The following DTNB variants were observed in gnomAD, a reference collection of about 807,000 sequenced individuals.
DTNB encodes the protein dystrobrevin beta, also known as DTN-B.
DTNB carries 63 observed loss-of-function variants against 90.7 expected under a neutral mutation model. That is an observed-to-expected ratio of 0.69 (90% confidence interval 0.57 to 0.86). The LOEUF (loss-of-function observed/expected upper bound fraction) is 0.86, where lower values mean the gene tolerates loss of function less well. Ranked by LOEUF, DTNB falls within the 40% of genes least tolerant of loss-of-function variation. The probability of loss-of-function intolerance (pLI) is 0.00; values close to 1 mark genes in which losing one functional copy is unlikely to be tolerated. For synonymous variants in DTNB, 277 were observed against 286.7 expected, an observed-to-expected ratio of 0.97 and a Z score of 0.34; for missense variants, 744 against 807.1, an observed-to-expected ratio of 0.92 and a Z score of 0.95.
chr2:25,498,711 G>A (rs746276445), intron 9 of DTNB, among the ~76,000 whole-genome samples: 3 of 151,470 alleles, frequency 2.0e-5, no homozygotes, highest in Admixed American at 6.6e-5. Flanking sequence ...AGCCAGGTGT[G>A]GTGGTGCATT....
chr2:25,604,151 G>T (rs1451245754), intron 5 of DTNB, among the ~76,000 whole-genome samples: 1 of 151,954 alleles, frequency 6.6e-6, no homozygotes, highest in Non-Finnish European at 1.5e-5. Context: ...CATCATATTT[G>T]CCAGTGATAA....
chr2:25,563,269 C>A (rs183628983), intron 8 of DTNB, among the ~76,000 whole-genome samples: 15 of 152,208 alleles, frequency 9.9e-5, no homozygotes, highest in Non-Finnish European at 1.8e-4. Flanking sequence ...TCTATTTTGC[C>A]CTTTACCCAT....
chr2:25,593,219 T>G (rs2148371939), intron 6 of DTNB, among the ~76,000 whole-genome samples: 1 of 152,334 alleles, frequency 6.6e-6, no homozygotes, highest in Non-Finnish European at 1.5e-5. Context: ...TTGTGATCGC[T>G]TTTTTGTTCA....
At chr2:25,506,066 T>C (rs2072329228) in intron 9 of DTNB, among the ~76,000 whole-genome samples, 1 of 152,108 alleles carries the variant, frequency 6.6e-6, no homozygotes, top group African/African-American at 2.4e-5. Context: ...TTCTCAGTCA[T>C]AGGTGGGAGC....
chr2:25,522,659 C>T (rs1227273749), intron 9 of DTNB, among the ~76,000 whole-genome samples: 1 of 151,182 alleles, frequency 6.6e-6, no homozygotes, highest in Non-Finnish European at 1.5e-5. Flanking sequence ...ACAATTAAGA[C>T]AGGTTTTATT....
chr2:25,522,582 T>C (rs377117312), intron 9 of DTNB, among the ~76,000 whole-genome samples: 30 of 152,188 alleles, frequency 2.0e-4, no homozygotes, highest in East Asian at 1.9e-3. Context: ...GAAAAGACTT[T>C]AAAAGTTTAT....
intron 12 of DTNB, among the ~76,000 whole-genome samples, chr2:25,436,321 C>T (rs1018976618): frequency 6.0e-5 from 9 of 149,818 alleles, no homozygotes; most frequent in East Asian, 2.0e-4. Context: ...GGTGACAGAG[C>T]GAGACTCCAT....
chr2:25,439,829 G>T (rs1410889354), intron 12 of DTNB, among the ~76,000 whole-genome samples: 1 of 152,120 alleles, frequency 6.6e-6, no homozygotes, highest in Non-Finnish European at 1.5e-5. Context: ...CTCTACAAAT[G>T]CTGATAATTA....
intron 8 of DTNB, among the ~76,000 whole-genome samples, chr2:25,536,931 C>G (rs948664083): frequency 3.1e-4 from 47 of 152,060 alleles, no homozygotes; most frequent in African/African-American, 9.6e-4. Context: ...TTAGTAGATA[C>G]GGGGTTTCAC....
chr2:25,388,605 G>C, intron 16 of DTNB: 1 of 494,906 alleles, frequency 2.0e-6, no homozygotes, highest in Non-Finnish European at 3.5e-6. Flanking sequence ...AAGAATGGGA[G>C]GGAAAGAAGA....
chr2:25,567,808 C>T (rs1047868801), intron 8 of DTNB, among the ~76,000 whole-genome samples: 1 of 152,142 alleles, frequency 6.6e-6, no homozygotes, highest in African/African-American at 2.4e-5. Flanking sequence ...AAGCAGAGAT[C>T]TGAATGGAAG....
At chr2:25,578,024 G>A (rs1481606351) in intron 7 of DTNB, among the ~76,000 whole-genome samples, 3 of 151,898 alleles carry the variant, frequency 2.0e-5, no homozygotes, top group East Asian at 1.9e-4. Context: ...AAAAGAAAAC[G>A]AAAAGAGGGA....
rs562898923 is a variant in DTNB at position 25,647,834 on chromosome 2, CA to C, written c.67+4759del. 6.8e-3 allele frequency among the ~76,000 whole-genome samples: 897 copies of C among 132,800 alleles called. 3 individuals are homozygous for C. Among genetic ancestry groups the C allele is most frequent in the Non-Finnish European group, 0.01 (635 of 61,392 alleles). 87.1% of individuals were successfully genotyped at this position (132,800 alleles called of 152,430 possible). A position where few individuals can be genotyped will look rare whatever the true frequency, so the allele number is the denominator to read the frequency against. ...AGTAAATATCAGAACACTTGGGATG[CA>C]AAAAAAAAAATCACAGGAAAGTTTA... On this transcript the variant is annotated intron_variant, in intron 2 of 20. Transcript: ENST00000406818.
chr2:25,537,880 A>C (rs982937507), intron 8 of DTNB, among the ~76,000 whole-genome samples: 14 of 152,196 alleles, frequency 9.2e-5, no homozygotes, highest in African/African-American at 3.4e-4. Flanking sequence ...CCTTCACTTC[A>C]TTTAAGCTCC....
In DTNB at chr2:25,451,644, G is replaced by C; in HGVS notation, c.1170-9C>G. The C allele has an allele frequency of 6.4e-7, 1 of 1,569,738 alleles. No individual in the cohort carries two copies. The highest frequency in any genetic ancestry group is 8.7e-7 in the Non-Finnish European group (1 of 1,155,038). ...TAGGACTGTCCAGAACACTGCCAAG[G>C]AAATAAAAATGCAACAAGTGTCTAT... On this transcript the variant is annotated splice_polypyrimidine_tract_variant and intron_variant, in intron 11 of 20. Transcript: ENST00000406818.
chr2:25,673,102 C>T (rs1348803432), intron 1 of DTNB, among the ~76,000 whole-genome samples: 1 of 151,850 alleles, frequency 6.6e-6, no homozygotes, highest in Admixed American at 6.6e-5. Context: ...CGCTCGCGCC[C>T]GTGCCCCGGC....
At chr2:25,460,480 G>C (rs940230819) in intron 10 of DTNB, among the ~76,000 whole-genome samples, 3 of 152,116 alleles carry the variant, frequency 2.0e-5, no homozygotes, top group African/African-American at 4.8e-5. Context: ...AGACAGAAAA[G>C]AGAAGTGGTC....
chr2:25,494,368 G>T (rs949140172), intron 9 of DTNB, among the ~76,000 whole-genome samples: 4 of 151,502 alleles, frequency 2.6e-5, no homozygotes, highest in Admixed American at 2.0e-4. Context: ...TTTCAGATTA[G>T]AGTTCTCAGG....
At chr2:25,413,851 C>T (rs1158493827) in intron 16 of DTNB, among the ~76,000 whole-genome samples, 1 of 152,172 alleles carries the variant, frequency 6.6e-6, no homozygotes, top group Non-Finnish European at 1.5e-5. Flanking sequence ...TGAGGAATTG[C>T]CACACCGTCT....
Sources: gnomAD v4.1 joint callset for allele counts (sites outside exome capture counted in the v4.1 genomes callset) on GRCh38, gnomAD v4.1.1 for gene constraint, MANE v1.5 for transcripts, NCBI Gene and HGNC (gene_info 2026-07-23, HGNC 2026-07-21) for gene names.